Variants in SH3RF3 observed in about 807,000 individuals in gnomAD.
SH3RF3 encodes E3 ubiquitin-protein ligase SH3RF3.
A neutral mutation model predicts 66.3 loss-of-function variants in SH3RF3; 29 were observed. The observed-to-expected ratio is 0.44, with a 90% CI of 0.33 to 0.60. The LOEUF is 0.60. Ranked by LOEUF, SH3RF3 falls within the 20% of genes least tolerant of loss-of-function variation. SH3RF3 has a pLI of 0.04. For synonymous variants in SH3RF3, 583 were observed against 532.0 expected (o/e 1.10, Z -1.32); for missense variants, 1,194 against 1,190.9 (o/e 1.00, Z -0.04).
chr2:109,218,365 TG>T (rs1679150579), intron 1 of SH3RF3, among the ~76,000 whole-genome samples: 1 of 152,206 alleles, frequency 6.6e-6, no homozygotes, highest in African/African-American at 2.4e-5. Context: ...ATTCAAAATA[TG>T]GGCTTCTGAG....
At chr2:109,242,045 G>T (rs1679797193) in intron 1 of SH3RF3, among the ~76,000 whole-genome samples, 1 of 152,068 alleles carries the variant, frequency 6.6e-6, no homozygotes, top group Admixed American at 6.5e-5. Context: ...CGTCCTGCAA[G>T]TGGCTGGCTC....
chr2:109,244,205 A>G (rs1298263393), intron 1 of SH3RF3, among the ~76,000 whole-genome samples: 4 of 152,222 alleles, frequency 2.6e-5, no homozygotes, highest in African/African-American at 7.2e-5. Context: ...AATGGATTCT[A>G]ATCCGAGCTG....
At chr2:109,480,627 G>T (rs1163593644) in intron 8 of SH3RF3, among the ~76,000 whole-genome samples, 6 of 152,018 alleles carry the variant, frequency 3.9e-5, no homozygotes, top group Non-Finnish European at 8.8e-5. Flanking sequence ...CTGCCCTGTG[G>T]GAGGAGGAGG....
chr2:109,386,949 CTTT>C (rs995033225), intron 3 of SH3RF3, among the ~76,000 whole-genome samples: 1 of 152,126 alleles, frequency 6.6e-6, no homozygotes, highest in Non-Finnish European at 1.5e-5. Flanking sequence ...GCCTAATCTG[CTTT>C]TTTGTTTCTA....
chr2:109,335,880 A>G (rs1332389872), intron 1 of SH3RF3, among the ~76,000 whole-genome samples: 1 of 152,258 alleles, frequency 6.6e-6, no homozygotes, highest in Non-Finnish European at 1.5e-5. Flanking sequence ...TTGAAAGCAT[A>G]AAGTGAATGT....
At chr2:109,194,239 A>T (rs1356768258) in intron 1 of SH3RF3, among the ~76,000 whole-genome samples, 1 of 152,236 alleles carries the variant, frequency 6.6e-6, no homozygotes, top group Non-Finnish European at 1.5e-5. Context: ...CTTAGCATCC[A>T]TCAGCCTCAT....
intron 1 of SH3RF3, among the ~76,000 whole-genome samples, chr2:109,301,422 C>T (rs1004775012): frequency 6.6e-6 from 1 of 151,920 alleles, no homozygotes; most frequent in Non-Finnish European, 1.5e-5. Context: ...TGTAGTCTCC[C>T]CTGCATTCCT....
At chr2:109,489,751 CG>C (rs1320081846) in intron 8 of SH3RF3, among the ~76,000 whole-genome samples, 1 of 96,960 alleles carries the variant, frequency 1.0e-5, no homozygotes, top group Admixed American at 1.5e-4. Context: ...GGGGGGTGGG[CG>C]GGGGGGACGG....
At chr2:109,342,779 G>T (rs897921707) in intron 1 of SH3RF3, among the ~76,000 whole-genome samples, 4 of 152,200 alleles carry the variant, frequency 2.6e-5, no homozygotes, top group African/African-American at 9.7e-5. Context: ...CCACGTGAGC[G>T]CCATCTCCAC....
At chr2:109,355,586 A>G (rs955235160) in intron 2 of SH3RF3, among the ~76,000 whole-genome samples, 1 of 152,196 alleles carries the variant, frequency 6.6e-6, no homozygotes, top group African/African-American at 2.4e-5. Flanking sequence ...AGAGCACAGC[A>G]CTATCAGGGC....
At chr2:109,287,637 AG>A (rs1378043096) in intron 1 of SH3RF3, among the ~76,000 whole-genome samples, 1 of 152,078 alleles carries the variant, frequency 6.6e-6, no homozygotes, top group Non-Finnish European at 1.5e-5. Context: ...GGGAGGCGGG[AG>A]GGGAACTGTG....
In SH3RF3 at chr2:109,368,054, G is replaced by T. The variant is rs947608541; in HGVS notation, c.850-3532G>T. ...CTGTGTTTGTTTGAATATTAGCCAG[G>T]TATGCCATTTTAAAATATGTTTAAT... On this transcript the variant is annotated intron_variant, in intron 2 of 9. Transcript: ENST00000309415. Among the ~76,000 whole-genome samples, 6 of 152,230 alleles carry T rather than the reference G, an allele frequency of 3.9e-5. 1 individual carries two copies. The highest frequency in any genetic ancestry group is 3.9e-4 in the Admixed American group (6 of 15,286).
chr2:109,218,833 TCAAACACACACA>T (rs1342174983), intron 1 of SH3RF3, among the ~76,000 whole-genome samples: 3 of 152,104 alleles, frequency 2.0e-5, no homozygotes, highest in Non-Finnish European at 4.4e-5. Flanking sequence ...AGGTGATTAA[TCAAACACACACA>T]CAAACACACA....
At chr2:109,208,510 C>G (rs541567905) in intron 1 of SH3RF3, among the ~76,000 whole-genome samples, 2 of 152,324 alleles carry the variant, frequency 1.3e-5, no homozygotes, top group South Asian at 2.1e-4. Flanking sequence ...CAGCTAAGCT[C>G]CATGTGATTG....
chr2:109,458,455 A>C (rs886434206), intron 8 of SH3RF3, among the ~76,000 whole-genome samples: 5 of 152,076 alleles, frequency 3.3e-5, no homozygotes, highest in African/African-American at 1.2e-4. Flanking sequence ...CCTAGACTTC[A>C]GTTTATTTAG....
chr2:109,344,023 C>T (rs1227569171), intron 1 of SH3RF3, among the ~76,000 whole-genome samples: 7 of 152,172 alleles, frequency 4.6e-5, no homozygotes, highest in African/African-American at 7.2e-5. Flanking sequence ...AGATAATAGG[C>T]GTGAGCCACC....
chr2:109,222,749 C>T (rs887346797), intron 1 of SH3RF3, among the ~76,000 whole-genome samples: 1 of 152,226 alleles, frequency 6.6e-6, no homozygotes, highest in East Asian at 1.9e-4. Flanking sequence ...TCCAGTGTTT[C>T]TGTTAAATTA....
At chr2:109,186,142 C>CT (rs34382664) in intron 1 of SH3RF3, among the ~76,000 whole-genome samples, 1 of 152,234 alleles carries the variant, frequency 6.6e-6, no homozygotes, top group South Asian at 2.1e-4. Flanking sequence ...TGAAATGCTC[C>CT]TTTTAATAAT....
chr2:109,405,368 T>A (rs1178872543), intron 4 of SH3RF3, among the ~76,000 whole-genome samples: 1 of 152,138 alleles, frequency 6.6e-6, no homozygotes, highest in Non-Finnish European at 1.5e-5. Context: ...CAACACTGAC[T>A]CCCTGCCCCT....
Sources: allele counts gnomAD v4.1 joint callset (sites outside exome capture counted in the v4.1 genomes callset), GRCh38; gene constraint gnomAD v4.1.1; transcripts MANE v1.5; gene names NCBI Gene and HGNC (gene_info 2026-07-23, HGNC 2026-07-21).